SLC41A2: variants seen among roughly 807,000 people sequenced by gnomAD.
SLC41A2 encodes solute carrier family 41 member 2.
SLC41A2 carries 32 observed loss-of-function variants against 58.3 expected under a neutral mutation model. The ratio of observed to expected loss-of-function variants is 0.55; its 90% CI spans 0.41 to 0.74. The LOEUF is 0.74. SLC41A2 is among the 30% of genes least tolerant of loss of function. The pLI is 0.00. For synonymous variants in SLC41A2, 190 were observed against 235.0 expected, an observed-to-expected ratio of 0.81 and a Z score of 1.75; for missense variants, 514 against 680.6, an observed-to-expected ratio of 0.76 and a Z score of 2.72.
At chr12:104,851,796 G>A (rs908756089) in intron 8 of SLC41A2, 4 of 152,144 alleles carry the variant, frequency 2.6e-5, no homozygotes, top group Admixed American at 2.6e-4. Flanking sequence ...CTCTAAATCT[G>A]AACTCACTTT....
At chr12:104,815,337 T>A (rs1052041531) in intron 10 of SLC41A2, among the ~76,000 whole-genome samples, 1 of 152,238 alleles carries the variant, frequency 6.6e-6, no homozygotes, top group East Asian at 1.9e-4. Context: ...ATCTGTTTGT[T>A]CTTTATGAAA....
intron 4 of SLC41A2, among the ~76,000 whole-genome samples, chr12:104,889,708 C>T (rs1193272905): frequency 2.0e-5 from 3 of 152,058 alleles, no homozygotes; most frequent in African/African-American, 7.2e-5. Context: ...TAGATTATTC[C>T]CTGCCCTCAC....
chr12:104,898,711 A>G (rs2045416764), intron 3 of SLC41A2, among the ~76,000 whole-genome samples: 1 of 152,160 alleles, frequency 6.6e-6, no homozygotes, highest in Non-Finnish European at 1.5e-5. Flanking sequence ...ATTTTATCTA[A>G]AAACAGATAT....
At chr12:104,889,939 G>A (rs1468631984) in intron 4 of SLC41A2, among the ~76,000 whole-genome samples, 2 of 151,994 alleles carry the variant, frequency 1.3e-5, no homozygotes, top group Admixed American at 6.6e-5. Flanking sequence ...AACACTCACC[G>A]CTAACTCAGC....
At chr12:104,907,903 C>A (rs1446630993) in intron 3 of SLC41A2, among the ~76,000 whole-genome samples, 1 of 152,160 alleles carries the variant, frequency 6.6e-6, no homozygotes, top group East Asian at 1.9e-4. Context: ...AGCTATATGA[C>A]CTTTTATATA....
At chr12:104,816,740 C>A (rs912836463) in intron 10 of SLC41A2, among the ~76,000 whole-genome samples, 1 of 152,192 alleles carries the variant, frequency 6.6e-6, no homozygotes, top group Non-Finnish European at 1.5e-5. Context: ...TTTACAACCA[C>A]AATGTGACCC....
intron 1 of SLC41A2, among the ~76,000 whole-genome samples, chr12:104,955,802 C>T (rs1483306508): frequency 6.7e-6 from 1 of 149,996 alleles, no homozygotes; most frequent in African/African-American, 2.5e-5. Flanking sequence ...AATTTGTGTG[C>T]GCTCGGAAAT....
At chr12:104,909,521 A>T (rs2135779350) in intron 3 of SLC41A2, 134 bp downstream of exon 3, 1 of 603,546 alleles carries the variant, frequency 1.7e-6, no homozygotes, top group African/African-American at 2.0e-5. Flanking sequence ...ATATGATATC[A>T]GGCATAACTA....
chr12:104,849,268 G>A (rs1026402986), intron 8 of SLC41A2, among the ~76,000 whole-genome samples: 1 of 152,094 alleles, frequency 6.6e-6, no homozygotes, highest in Non-Finnish European at 1.5e-5. Context: ...GCCACAGAGT[G>A]GAAGAATTTT....
intron 6 of SLC41A2, 55 bp from the exon 7 acceptor site, chr12:104,866,634 G>A (rs1593028172): frequency 7.2e-7 from 1 of 1,395,612 alleles, no homozygotes; most frequent in East Asian, 2.3e-5. Context: ...TCTCTTCTAT[G>A]TAGCAGATCT....
intron 2 of SLC41A2, among the ~76,000 whole-genome samples, chr12:104,917,913 G>A (rs2046402669): frequency 6.7e-6 from 1 of 148,918 alleles, no homozygotes; most frequent in Non-Finnish European, 1.5e-5. Flanking sequence ...CATGGCACAT[G>A]TATACATATG....
chr12:104,835,990 A>G (rs1394171347), intron 10 of SLC41A2, among the ~76,000 whole-genome samples: 1 of 152,110 alleles, frequency 6.6e-6, no homozygotes, highest in African/African-American at 2.4e-5. Context: ...GATTACAGGC[A>G]CAAGCCACCA....
intron 3 of SLC41A2, among the ~76,000 whole-genome samples, chr12:104,901,316 A>C (rs1330801973): frequency 6.6e-6 from 1 of 152,110 alleles, no homozygotes; most frequent in African/African-American, 2.4e-5. Context: ...AATTTATAGA[A>C]TCACTGTACT....
At chr12:104,910,587 T>G (rs991931862) in intron 2 of SLC41A2, among the ~76,000 whole-genome samples, 2 of 152,132 alleles carry the variant, frequency 1.3e-5, no homozygotes, top group African/African-American at 4.8e-5. Flanking sequence ...AAATCTAGCT[T>G]AGGCCATAAT....
chr12:104,879,050 T>C (rs1268512944), intron 6 of SLC41A2, among the ~76,000 whole-genome samples: 1 of 152,246 alleles, frequency 6.6e-6, no homozygotes, highest in Non-Finnish European at 1.5e-5. Context: ...GATTTGCATT[T>C]CTCTGATGGC....
At chr12:104,928,737 A>ATC (rs1261165677) in intron 1 of SLC41A2, 43 bp from the exon 2 acceptor site, 2 of 406,958 alleles carry the variant, frequency 4.9e-6, no homozygotes, top group Non-Finnish European at 8.7e-6. Flanking sequence ...GAAACAAGAT[A>ATC]GTTTCAGTAT....
At chr12:104,848,977 A>G (rs1408728640) in intron 8 of SLC41A2, among the ~76,000 whole-genome samples, 1 of 152,068 alleles carries the variant, frequency 6.6e-6, no homozygotes. Flanking sequence ...AGTGCTATCG[A>G]CTTTTAATAA....
At chr12:104,905,658 G>A (rs1004407875) in intron 3 of SLC41A2, among the ~76,000 whole-genome samples, 6 of 152,368 alleles carry the variant, frequency 3.9e-5, no homozygotes, top group Admixed American at 2.6e-4. Context: ...GCCCTGCCCC[G>A]TGGGAAGGCA....
intron 10 of SLC41A2, among the ~76,000 whole-genome samples, chr12:104,827,545 T>C (rs2041889909): frequency 6.6e-6 from 1 of 152,270 alleles, no homozygotes; most frequent in South Asian, 2.1e-4. Context: ...ACAATATTGT[T>C]GTTCGTATAT....
Sources: gnomAD v4.1 joint callset for allele counts (sites outside exome capture counted in the v4.1 genomes callset) on GRCh38, gnomAD v4.1.1 for gene constraint, MANE v1.5 for transcripts, NCBI Gene and HGNC (gene_info 2026-07-23, HGNC 2026-07-21) for gene names.